Variants in ARHGAP36 observed in about 807,000 individuals in gnomAD.
The protein encoded by ARHGAP36 is rho GTPase-activating protein 36.
Under a neutral mutation model 32.9 loss-of-function variants are expected in ARHGAP36, and 7 were observed. The observed-to-expected ratio is 0.21, with a 90% CI of 0.12 to 0.40. The LOEUF (loss-of-function observed/expected upper bound fraction) is 0.40. ARHGAP36 is among the 10% of genes least tolerant of loss of function. The pLI is 1.00. For missense variants in ARHGAP36, 383 were observed against 442.2 expected (o/e 0.87, Z 1.20); for synonymous variants, 165 against 168.3 (o/e 0.98, Z 0.15).
Position 131,084,420 on chromosome X carries a change from C to T in ARHGAP36, c.748+13C>T. On this transcript the variant is annotated intron_variant, in intron 5 of 11. Transcript: ENST00000276211. ...ATTGAAAAACATGGTAAGGGAGCTGCAAATGGGTAAATCAAGGAAGGAAGC... is the reference window on the plus strand; with the variant it reads ...ATTGAAAAACATGGTAAGGGAGCTGTAAATGGGTAAATCAAGGAAGGAAGC... 1.0e-5 allele frequency: 12 copies of T among 1,195,946 alleles called. No individual in the cohort carries two copies. Among genetic ancestry groups the T allele is most frequent in the Non-Finnish European group, 1.4e-5 (12 of 887,356 alleles).
At chrX:131,070,620 A>G (rs2079728834) in intron 1 of ARHGAP36, among the ~76,000 whole-genome samples, 1 of 111,609 alleles carries the variant, frequency 9.0e-6, no homozygotes, top group Non-Finnish European at 1.9e-5. Flanking sequence ...TTCAGTGGCA[A>G]GGTAAGTGCT....
At chrX:131,073,125 G>C (rs1332619180) in intron 1 of ARHGAP36, 3 of 112,804 alleles carry the variant, frequency 2.7e-5, no homozygotes, top group Non-Finnish European at 5.6e-5. Context: ...GAGGAGACCT[G>C]AGAGTGTGGA....
rs1028375923 is a variant in ARHGAP36, at chrX:131,071,540, C to G, written c.-142-9984C>G. On this transcript the variant is annotated intron_variant, in intron 1 of 11. Transcript: ENST00000276211. ...CCAGTGCTGCTTAGAGCCAGACGCT[C>G]TCTCTCTTTACTAGAGGATAAGTGA... 2.7e-5 allele frequency among the ~76,000 whole-genome samples: 3 copies of G among 111,855 alleles called. No homozygotes were observed. The East Asian group carries it at 8.4e-4, about 31-fold the overall frequency.
intron 2 of ARHGAP36, among the ~76,000 whole-genome samples, chrX:131,082,620 A>G (rs5977413): frequency 1.3e-3 from 146 of 113,462 alleles, no homozygotes; most frequent in African/African-American, 4.6e-3. Context: ...CGCACCGCGA[A>G]CGCAGCTTGA....
At chrX:131,063,490 G>A (rs1329700425) in intron 1 of ARHGAP36, among the ~76,000 whole-genome samples, 1 of 111,428 alleles carries the variant, frequency 9.0e-6, no homozygotes, top group African/African-American at 3.3e-5. Flanking sequence ...GAAGTTTTTC[G>A]AAATTCTTAA....
rs2079826485 is a variant in ARHGAP36, at chrX:131,084,917, C to T, written c.808C>T (p.Arg270Cys). Residue 270 changes from arginine to cysteine, a missense_variant, in exon 7 of 12, where the codon CGT becomes TGT. This residue lies in a region of ARHGAP36 where 227 missense variants were observed against 311.3 expected (regional missense o/e 0.73). Coordinates refer to ENST00000276211, the MANE Select transcript of ARHGAP36 (RefSeq NM_144967.4). The part of the protein sequence containing the change: ...EYSVQRVRQL[R>C]EEFDQGLDVV... ...CCCTGTCTTCTCCTTTTCCTAGCTC[C>T]GTGAAGAATTTGATCAAGGTCTGGA... 8.3e-7 allele frequency: 1 copy of T among 1,209,690 alleles called. No homozygotes were observed. Among genetic ancestry groups the T allele is most frequent in the African/African-American group, 1.7e-5 (1 of 57,231 alleles).
intron 1 of ARHGAP36, among the ~76,000 whole-genome samples, chrX:131,077,226 T>G (rs2079767094): frequency 1.8e-5 from 2 of 112,403 alleles, no homozygotes; most frequent in African/African-American, 6.5e-5. Context: ...GGGGATGTCT[T>G]TATCCATTGC....
intron 1 of ARHGAP36, among the ~76,000 whole-genome samples, chrX:131,058,880 C>T (rs902328088): frequency 1.8e-5 from 2 of 113,168 alleles, no homozygotes; most frequent in African/African-American, 3.2e-5. Context: ...TTGTCTCAAT[C>T]TCAAACACAG....
intron 1 of ARHGAP36, chrX:131,073,103 G>C (rs777035231): frequency 4.4e-5 from 5 of 112,730 alleles, no homozygotes; most frequent in Non-Finnish European, 7.5e-5. Flanking sequence ...AAGGCCCGAC[G>C]TGAGGGAGGG....
intron 1 of ARHGAP36, among the ~76,000 whole-genome samples, chrX:131,080,410 A>G (rs2079789580): frequency 9.0e-6 from 1 of 111,638 alleles, no homozygotes; most frequent in Non-Finnish European, 1.9e-5. Flanking sequence ...AAAAAAAAAA[A>G]AAAGAAATAG....
intron 2 of ARHGAP36, 63 bp downstream of exon 2, chrX:131,081,981 G>C (rs894799704): frequency 6.0e-6 from 7 of 1,166,801 alleles, no homozygotes; most frequent in Non-Finnish European, 8.1e-6. Flanking sequence ...CGGGCAGGAC[G>C]GGGCGGATTA....
chrX:131,075,977 T>G (rs1446077865), intron 1 of ARHGAP36, among the ~76,000 whole-genome samples: 2 of 111,762 alleles, frequency 1.8e-5, no homozygotes, highest in African/African-American at 6.5e-5. Context: ...GGAGGAAATA[T>G]CCAACCTACC....
intron 1 of ARHGAP36, among the ~76,000 whole-genome samples, chrX:131,076,582 C>T (rs1209048164): frequency 8.9e-6 from 1 of 112,555 alleles, no homozygotes; most frequent in African/African-American, 3.2e-5. Flanking sequence ...CCTACCCTGG[C>T]TTATGGAATC....
At chrX:131,076,239 T>C (rs1166325817) in intron 1 of ARHGAP36, among the ~76,000 whole-genome samples, 1 of 112,300 alleles carries the variant, frequency 8.9e-6, no homozygotes, top group Non-Finnish European at 1.9e-5. Context: ...CATTTTATTT[T>C]TAACTTCTTC....
chrX:131,086,677 G>A lies in ARHGAP36; in HGVS notation c.1486+12G>A. ...GCCTTCTGATGAAGGTCAGTTCCCT[G>A]CTGGAGGTCAGGCCCTTGCTGAAGG... On this transcript the variant is annotated intron_variant, in intron 11 of 11. Coordinates refer to ENST00000276211, the MANE Select transcript of ARHGAP36 (RefSeq NM_144967.4). 8.3e-7 allele frequency: 1 copy of A among 1,204,474 alleles called. No individual in the cohort carries two copies. The highest frequency in any genetic ancestry group is 1.1e-6 in the Non-Finnish European group (1 of 889,224).
intron 1 of ARHGAP36, among the ~76,000 whole-genome samples, chrX:131,068,547 A>T (rs1447727460): frequency 9.0e-6 from 1 of 111,098 alleles, no homozygotes; most frequent in Non-Finnish European, 1.9e-5. Context: ...GACTCAGCGC[A>T]CTGTCGACCC....
intron 1 of ARHGAP36, among the ~76,000 whole-genome samples, chrX:131,060,661 G>A (rs753063260): frequency 8.9e-6 from 1 of 112,269 alleles, no homozygotes; most frequent in Non-Finnish European, 1.9e-5. Flanking sequence ...ATTCGCTGCT[G>A]CATTTCTAGT....
At chrX:131,081,410 T>G in intron 1 of ARHGAP36, 114 bp from the exon 2 acceptor site, 4 of 582,562 alleles carry the variant, frequency 6.9e-6, no homozygotes, top group Non-Finnish European at 9.2e-6. Flanking sequence ...TCTCTTTTAT[T>G]TTTTCTTCTT....
Position 131,062,072 on chromosome X carries a change from G to A in ARHGAP36, c.-143+3628G>A, listed in dbSNP as rs148161007. On this transcript the variant is annotated intron_variant, in intron 1 of 11. Transcript: ENST00000276211. ...ACCTACCTACTACAACAACCTAAAT[G>A]TCCAACAATAGTGGAATGGTTAAAT... Among the ~76,000 whole-genome samples, 215 of 111,861 alleles carry A rather than the reference G, an allele frequency of 1.9e-3. 2 individuals are homozygous for A. Among genetic ancestry groups the A allele is most frequent in the Non-Finnish European group, 2.0e-3 (104 of 53,171 alleles).
Sources: gnomAD v4.1 joint callset for allele counts (sites outside exome capture counted in the v4.1 genomes callset) on GRCh38, gnomAD v4.1.1 for gene constraint, gnomAD v4.1.1 regional missense constraint, MANE v1.5 for transcripts, NCBI Gene and HGNC (gene_info 2026-07-23, HGNC 2026-07-21) for gene names.